Variants in RANBP2 observed in about 807,000 individuals in gnomAD.
RANBP2 encodes RAN binding protein 2.
A neutral mutation model predicts 303.6 loss-of-function variants in RANBP2; 57 were observed. The observed-to-expected ratio is 0.19, with a 90% CI of 0.15 to 0.23. RANBP2 has a LOEUF of 0.23. Among genes scored for constraint, RANBP2 ranks in the 10% least tolerant of loss-of-function variants. The pLI, the probability that RANBP2 is intolerant of heterozygous loss-of-function variation, is 1.00. For synonymous variants in RANBP2, 1,167 were observed against 1,301.5 expected (o/e 0.90, Z 2.23); for missense variants, 3,138 against 3,780.8 (o/e 0.83, Z 4.46).
At chr2:108,812,509 C>T in the RANBP2 span, 2 of 686,804 alleles carry the variant, frequency 2.9e-6, no homozygotes, top group Non-Finnish European at 2.5e-6. Context: ...ATCATGAATG[C>T]TGTCTCTGTT....
chr2:109,473,109 G>C, the RANBP2 span, among the ~76,000 whole-genome samples: 1 of 152,210 alleles, frequency 6.6e-6, no homozygotes, highest in South Asian at 2.1e-4. Context: ...TGACAGCCTG[G>C]CATTTAATCG....
At chr2:109,010,989 T>G in the RANBP2 span, among the ~76,000 whole-genome samples, 1 of 152,174 alleles carries the variant, frequency 6.6e-6, no homozygotes, top group African/African-American at 2.4e-5. Context: ...CTGCTTCACC[T>G]TCACCTTCTC....
At chr2:109,396,859 C>T in the RANBP2 span, among the ~76,000 whole-genome samples, 2 of 152,270 alleles carry the variant, frequency 1.3e-5, no homozygotes. Context: ...TAGCGGCTCA[C>T]ATGGTCCTTC....
the RANBP2 span, among the ~76,000 whole-genome samples, chr2:109,457,170 G>A: frequency 1.3e-5 from 2 of 152,140 alleles, no homozygotes; most frequent in East Asian, 3.8e-4. Context: ...TTAGTTTGAC[G>A]AATGCATAAC....
the RANBP2 span, among the ~76,000 whole-genome samples, chr2:109,330,312 G>A: frequency 6.6e-6 from 1 of 152,102 alleles, no homozygotes; most frequent in Non-Finnish European, 1.5e-5. Flanking sequence ...TAAAGAAAAG[G>A]GGCAAAATTC....
At chr2:109,445,377 A>T in the RANBP2 span, among the ~76,000 whole-genome samples, 1 of 152,250 alleles carries the variant, frequency 6.6e-6, no homozygotes, top group East Asian at 1.9e-4. Context: ...AAGCCTAAAC[A>T]TGCTGAACTT....
chr2:109,566,488 A>G, the RANBP2 span, among the ~76,000 whole-genome samples: 3 of 152,304 alleles, frequency 2.0e-5, no homozygotes. Context: ...TGAGGAAATT[A>G]CACATACACA....
At chr2:109,437,121 C>A in the RANBP2 span, 1 of 1,612,244 alleles carries the variant, frequency 6.2e-7, no homozygotes, top group Non-Finnish European at 8.5e-7. Flanking sequence ...CAACGGCCAG[C>A]CAAGCCCGGA....
chr2:108,748,137 CTA>C (rs1295833096), intron 8 of RANBP2, among the ~76,000 whole-genome samples: 1 of 151,714 alleles, frequency 6.6e-6, no homozygotes, highest in Non-Finnish European at 1.5e-5. Context: ...TTATCCGAGA[CTA>C]TGATTTTTTG....
chr2:109,535,713 G>T, the RANBP2 span, among the ~76,000 whole-genome samples: 3 of 152,216 alleles, frequency 2.0e-5, no homozygotes, highest in Admixed American at 6.5e-5. Flanking sequence ...GCCCAAGAGA[G>T]AGTGGACCTT....
chr2:109,337,412 T>A, the RANBP2 span, among the ~76,000 whole-genome samples: 1 of 152,218 alleles, frequency 6.6e-6, no homozygotes, highest in African/African-American at 2.4e-5. Flanking sequence ...GTGTGTGGTG[T>A]CCTTAGCGCC....
the RANBP2 span, among the ~76,000 whole-genome samples, chr2:109,135,270 A>G: frequency 8.5e-5 from 13 of 152,116 alleles, no homozygotes; most frequent in Admixed American, 4.6e-4. Flanking sequence ...CACACACAGG[A>G]CTGCCTTTTC....
In RANBP2 at chr2:108,766,291, A is replaced by T; in HGVS notation, c.5752A>T (p.Asn1918Tyr). Residue 1918 changes from asparagine (N) to tyrosine (Y), a missense_variant, in exon 20 of 29, where the codon AAT becomes TAT. This residue lies in a region of RANBP2 where 348 missense variants were observed against 360.4 expected (regional missense o/e 0.97). Transcript: ENST00000283195. ...AAAGAAAAGTGAAAAGCCTCTTGAA[A>T]ATGGTACTGGCTTCCAGGCTCAGGA... ...QEKKSEKPLE[N>Y]GTGFQAQDIS... 6.2e-7 allele frequency: 1 copy of T among 1,612,172 alleles called. No individual in the cohort carries two copies. The highest frequency in any genetic ancestry group is 8.5e-7 in the Non-Finnish European group (1 of 1,179,968).
At chr2:108,986,534 G>A in the RANBP2 span, among the ~76,000 whole-genome samples, 4 of 152,108 alleles carry the variant, frequency 2.6e-5, no homozygotes, top group Non-Finnish European at 5.9e-5. Context: ...GGCTCCACAC[G>A]AGGCCTGGGC....
At chr2:109,613,685 G>C in the RANBP2 span, 1 of 711,234 alleles carries the variant, frequency 1.4e-6, no homozygotes, top group Non-Finnish European at 1.9e-6. Flanking sequence ...CGGGGCCGGA[G>C]GGGGCGCGGG....
chr2:109,399,082 C>T, the RANBP2 span: 4 of 1,034,324 alleles, frequency 3.9e-6, no homozygotes, highest in African/African-American at 1.6e-5. Flanking sequence ...GGGGTTTGCC[C>T]TTTGCTGCCT....
the RANBP2 span, among the ~76,000 whole-genome samples, chr2:109,534,352 T>C: frequency 6.6e-6 from 1 of 152,210 alleles, no homozygotes; most frequent in Non-Finnish European, 1.5e-5. Flanking sequence ...ATCCTAGTAG[T>C]TCTAGGATCC....
the RANBP2 span, among the ~76,000 whole-genome samples, chr2:109,178,599 A>C: frequency 6.6e-6 from 1 of 152,354 alleles, no homozygotes; most frequent in South Asian, 2.1e-4. Context: ...TTTCAGAACC[A>C]AAAGAGTCTG....
At chr2:109,292,758 G>A in the RANBP2 span, among the ~76,000 whole-genome samples, 1 of 152,166 alleles carries the variant, frequency 6.6e-6, no homozygotes, top group Non-Finnish European at 1.5e-5. Flanking sequence ...TTGAGATGGA[G>A]TTTCACTCTT....
Sources: gnomAD v4.1 joint callset for allele counts (sites outside exome capture counted in the v4.1 genomes callset) on GRCh38, gnomAD v4.1.1 for gene constraint, gnomAD v4.1.1 regional missense constraint, MANE v1.5 for transcripts, NCBI Gene and HGNC (gene_info 2026-07-23, HGNC 2026-07-21) for gene names.